MEP1A: variants seen among roughly 807,000 people sequenced by gnomAD.
The protein encoded by MEP1A is meprin A subunit alpha.
In MEP1A, 68 loss-of-function variants were observed where a neutral mutation model predicts 84.5. That is an observed-to-expected ratio of 0.80 (90% confidence interval 0.66 to 0.98). The LOEUF is 0.98. Ranked by LOEUF, MEP1A falls within the 50% of genes least tolerant of loss-of-function variation. The pLI is 0.00. For synonymous variants in MEP1A, 337 were observed against 336.8 expected, an observed-to-expected ratio of 1.00 and a Z score of -0.01; for missense variants, 887 against 919.9, an observed-to-expected ratio of 0.96 and a Z score of 0.46.
At chr6:46,828,198 G>A (rs1581685296) in intron 9 of MEP1A, among the ~76,000 whole-genome samples, 1 of 150,684 alleles carries the variant, frequency 6.6e-6, no homozygotes, top group East Asian at 2.0e-4. Flanking sequence ...GAATTCCTGA[G>A]TAAGAATTAC....
At chr6:46,807,520 G>T (rs148824683) in intron 5 of MEP1A, among the ~76,000 whole-genome samples, 2,491 of 22,214 alleles carry the variant, frequency 0.11, 51 homozygotes, top group African/African-American at 0.27. Flanking sequence ...AATAAAGAAA[G>T]AAAGAAAGAA....
At chr6:46,819,747 A>G in intron 7 of MEP1A, 43 bp downstream of exon 7, 1 of 1,593,338 alleles carries the variant, frequency 6.3e-7, no homozygotes, top group Non-Finnish European at 8.6e-7. Flanking sequence ...TCACTGGCTG[A>G]GACCAATCCT....
chr6:46,841,795 G>A (rs1225707413), downstream of MEP1A, among the ~76,000 whole-genome samples: 1 of 152,174 alleles, frequency 6.6e-6, no homozygotes, highest in Non-Finnish European at 1.5e-5. Flanking sequence ...AATTAGAAGT[G>A]GATGGGAACT....
Position 46,793,667 on chromosome 6 carries a change from A to G in MEP1A, c.96A>G (p.Val32=). Residue 32 remains valine (V), a splice_region_variant and synonymous_variant, in exon 3 of 14, where the codon GTA becomes GTG. Transcript: ENST00000230588. The part of the protein sequence containing the change: ...VPIKYLPEEN[V]HDADFGEQKD... ...AATTTTTTTTCTCACTTTTAACAGT[A>G]CATGATGCAGATTTTGGTGAACAGA... 6.2e-7 allele frequency: 1 copy of G among 1,609,990 alleles called. No homozygotes were observed. Among genetic ancestry groups the G allele is most frequent in the Non-Finnish European group, 8.5e-7 (1 of 1,176,856 alleles).
chr6:46,834,797 A>G, intron 12 of MEP1A, 46 bp downstream of exon 12: 1 of 1,452,596 alleles, frequency 6.9e-7, no homozygotes, highest in East Asian at 2.3e-5. Flanking sequence ...TGCTCTTGGC[A>G]CTCTACTGAT....
chr6:46,845,872 G>A, the MEP1A span, among the ~76,000 whole-genome samples: 2 of 152,176 alleles, frequency 1.3e-5, no homozygotes, highest in African/African-American at 4.8e-5. Flanking sequence ...TCTGTTACCT[G>A]TAACTGAGAA....
intron 6 of MEP1A, among the ~76,000 whole-genome samples, chr6:46,816,385 T>A (rs185740255): frequency 1.3e-5 from 2 of 151,694 alleles, no homozygotes; most frequent in East Asian, 3.9e-4. Flanking sequence ...GTGGGGGTGG[T>A]GGAGAAATGA....
At chr6:46,807,317 A>C (rs146614558) in intron 5 of MEP1A, among the ~76,000 whole-genome samples, 2 of 151,758 alleles carry the variant, frequency 1.3e-5, no homozygotes, top group African/African-American at 4.8e-5. Flanking sequence ...AACAAGAGTT[A>C]CAATGAGACA....
intron 5 of MEP1A, among the ~76,000 whole-genome samples, chr6:46,805,604 C>T (rs1767294539): frequency 6.6e-6 from 1 of 151,834 alleles, no homozygotes; most frequent in African/African-American, 2.4e-5. Context: ...TTCTTGTCTC[C>T]AGTGTCTGAT....
At chr6:46,838,302 T>C (rs1768261579) in intron 13 of MEP1A, among the ~76,000 whole-genome samples, 1 of 152,194 alleles carries the variant, frequency 6.6e-6, no homozygotes, top group Non-Finnish European at 1.5e-5. Flanking sequence ...AAGGTATGGA[T>C]GAGACACTAC....
intron 5 of MEP1A, among the ~76,000 whole-genome samples, chr6:46,804,007 C>T (rs939994351): frequency 3.7e-4 from 56 of 151,604 alleles, no homozygotes; most frequent in South Asian, 2.1e-4. Context: ...TCATAAGTCT[C>T]GCACTATAGT....
the MEP1A span, among the ~76,000 whole-genome samples, chr6:46,845,133 G>A: frequency 8.5e-5 from 13 of 152,160 alleles, no homozygotes; most frequent in African/African-American, 3.1e-4. Flanking sequence ...CCAGTCTCAG[G>A]TAGTTCTTTA....
chr6:46,811,478 G>A (rs1258483168), intron 6 of MEP1A, among the ~76,000 whole-genome samples: 1 of 151,854 alleles, frequency 6.6e-6, no homozygotes, highest in African/African-American at 2.4e-5. Context: ...TCTCTTGTCT[G>A]ATTGCTTTGG....
chr6:46,816,160 A>G (rs1297915607), intron 6 of MEP1A, among the ~76,000 whole-genome samples: 3 of 151,054 alleles, frequency 2.0e-5, no homozygotes, highest in Admixed American at 6.6e-5. Context: ...CTGGTCTTGA[A>G]CTCCTGACCT....
At chr6:46,826,524 A>G (rs781363031) in intron 9 of MEP1A, 21 bp downstream of exon 9, 2 of 1,485,824 alleles carry the variant, frequency 1.3e-6, no homozygotes, top group Non-Finnish European at 1.8e-6. Context: ...GTGGAAAGCA[A>G]ACACATTGAT....
At chr6:46,798,737 C>A in intron 4 of MEP1A, 91 bp downstream of exon 4, 2 of 1,064,572 alleles carry the variant, frequency 1.9e-6, no homozygotes, top group Non-Finnish European at 1.5e-6. Context: ...CTGGGATGGG[C>A]ACTGTGAAGG....
At position 46,833,350 on chromosome 6, in the gene MEP1A, A is replaced by G. The variant is rs1463966366; in HGVS notation, c.1421A>G (p.Asn474Ser). The change falls in exon 11 of 14, where the codon AAT becomes AGT. Residue 474 changes from asparagine to serine, a missense_variant. By Grantham distance (46) the Asn-to-Ser change is conservative. Coordinates refer to ENST00000230588, the MANE Select transcript of MEP1A (RefSeq NM_005588.3). ...GYGFGVTLYP[N>S]SRESSGYLRL... ...GGTTTTGGGGTAACTTTATACCCAA[A>G]TAGCAGAGAAAGCTCTGGTTACTTG... 2 of 1,614,242 alleles carry G rather than the reference A, an allele frequency of 1.2e-6. No individual in the cohort carries two copies. Among genetic ancestry groups the G allele is most frequent in the Non-Finnish European group, 1.7e-6 (2 of 1,180,046 alleles).
intron 13 of MEP1A, among the ~76,000 whole-genome samples, chr6:46,837,362 C>T (rs1768237033): frequency 6.6e-6 from 1 of 152,220 alleles, no homozygotes. Flanking sequence ...TCCAGGTTGG[C>T]TCCTGTGCTC....
chr6:46,835,275 G>T lies in MEP1A; in HGVS notation c.1810G>T (p.Val604Phe). The T allele has an allele frequency of 6.2e-7, 1 of 1,602,180 alleles. No homozygotes were observed. The highest frequency in any genetic ancestry group is 8.5e-7 in the Non-Finnish European group (1 of 1,174,870). Residue 604 changes from valine to phenylalanine, a missense_variant, in exon 13 of 14, where the codon GTT (valine) becomes TTT (phenylalanine). Coordinates refer to ENST00000230588, the MANE Select transcript of MEP1A (RefSeq NM_005588.3). ...TATCACCCACCTCAGCCAGACTGAA[G>T]TTCCCACTAAAGGCAAAAGACTGAG... ...EDITHLSQTE[V>F]PTKGKRLSPQ...
Sources: allele counts gnomAD v4.1 joint callset (sites outside exome capture counted in the v4.1 genomes callset), GRCh38; gene constraint gnomAD v4.1.1; transcripts MANE v1.5; gene names NCBI Gene and HGNC (gene_info 2026-07-23, HGNC 2026-07-21).